SAG: variants seen among roughly 807,000 people sequenced by gnomAD.
SAG encodes the protein S-arrestin.
In SAG, 45 loss-of-function variants were observed where a neutral mutation model predicts 55.0. That is an observed-to-expected ratio of 0.82 (90% CI 0.64 to 1.05). SAG has a LOEUF of 1.05. Ranked by LOEUF, SAG falls within the 50% of genes least tolerant of loss-of-function variation. The pLI, the probability that SAG is intolerant of heterozygous loss-of-function variation, is 0.00. For missense variants in SAG, 455 were observed against 512.1 expected (o/e 0.89, Z 1.08); for synonymous variants, 189 against 197.4 (o/e 0.96, Z 0.36).
chr2:233,339,537 GTTT>G (rs10711990), intron 12 of SAG, among the ~76,000 whole-genome samples: 10 of 129,294 alleles, frequency 7.7e-5, no homozygotes, highest in South Asian at 4.8e-4. Context: ...TTAGCATAGT[GTTT>G]TTTTTTTTTT....
At position 233,322,936 on chromosome 2, in the gene SAG, C is replaced by A. The variant is rs1003431782; in HGVS notation, c.376-10C>A. The A allele has an allele frequency of 6.6e-7, 1 of 1,525,780 alleles. No individual in the cohort carries two copies. The highest frequency in any genetic ancestry group is 8.9e-7 in the Non-Finnish European group (1 of 1,119,630). The allele number at this position is 1,525,780 out of a possible 1,614,324, so 94.5% of individuals were successfully genotyped here. On this transcript the variant is annotated splice_polypyrimidine_tract_variant and intron_variant, in intron 5 of 15. Transcript: ENST00000409110. Reference sequence around the variant, plus strand: ...GAAATAAATGATTTTTTATTTGTTTCTTTCCACAGTTTCCTGACTACTTGC... The same window carrying A: ...GAAATAAATGATTTTTTATTTGTTTATTTCCACAGTTTCCTGACTACTTGC...
chr2:233,336,728 C>T (rs1700942773), intron 11 of SAG, among the ~76,000 whole-genome samples: 1 of 152,150 alleles, frequency 6.6e-6, no homozygotes, highest in Admixed American at 6.5e-5. Flanking sequence ...GGGGTTCTGA[C>T]TTGCAGGGTG....
intron 6 of SAG, 38 bp from the exon 7 acceptor site, chr2:233,327,083 T>C (rs1559443136): frequency 6.4e-7 from 1 of 1,550,540 alleles, no homozygotes; most frequent in Non-Finnish European, 8.9e-7. Flanking sequence ...AGGGAGGGAG[T>C]CGCTGATCGC....
In SAG at chr2:233,322,968, C is replaced by G. The variant is rs1324934886; in HGVS notation, c.398C>G (p.Ser133Ter). Residue 133 changes from serine (S) to a stop codon, truncating the protein, a stop_gained, in exon 6 of 16, where the codon TCA becomes TGA. Transcript: ENST00000409110. LOFTEE classifies it high-confidence loss of function. ...CAGTTTCCTGACTACTTGCCCTGTT[C>G]AGTGATGTTGCAGCCAGCTCCACAA... ...LLTFPDYLPC[S>*]VMLQPAPQDS... The G allele has an allele frequency of 3.2e-6, 5 of 1,576,248 alleles. No homozygotes were observed. Among genetic ancestry groups the G allele is most frequent in the Admixed American group, 1.8e-5 (1 of 55,480 alleles).
At position 233,309,254 on chromosome 2, in the gene SAG, G is replaced by T. The variant is rs371502229; in HGVS notation, c.65G>T (p.Arg22Leu). Residue 22 changes from arginine to leucine, a missense_variant, in exon 2 of 16, where the codon CGG becomes CTG. Transcript: ENST00000409110. Reference protein sequence around the residue: ...PNHVIFKKISRDKSVTIYLGN... With the variant: ...PNHVIFKKISLDKSVTIYLGN... ...CATGTTATCTTCAAGAAGATCTCCC[G>T]GGACAAATCGGTGAGTGGTGCACAA... The T allele has an allele frequency of 9.3e-6, 15 of 1,613,050 alleles. No individual in the cohort carries two copies. Among genetic ancestry groups the T allele is most frequent in the African/African-American group, 1.3e-5 (1 of 74,888 alleles).
At chr2:233,316,251 A>T in intron 3 of SAG, 116 bp downstream of exon 3, 1 of 603,864 alleles carries the variant, frequency 1.7e-6, no homozygotes, top group Non-Finnish European at 3.0e-6. Flanking sequence ...CATGCAAATT[A>T]AAACATCAGT....
chr2:233,335,250 A>G (rs1221992797), intron 11 of SAG, among the ~76,000 whole-genome samples, 151 bp downstream of exon 11: 1 of 152,200 alleles, frequency 6.6e-6, no homozygotes, highest in Non-Finnish European at 1.5e-5. Context: ...ACGGGCCCAC[A>G]CAAGGATCCC....
intron 4 of SAG, chr2:233,320,012 C>T (rs3792102): frequency 0.02 from 19,330 of 981,780 alleles, 207 homozygotes; most frequent in Non-Finnish European, 0.022. Context: ...GTCTACTGGG[C>T]GCACACTTCA....
chr2:233,339,581 T>C (rs1049392768), intron 12 of SAG, among the ~76,000 whole-genome samples: 1 of 148,498 alleles, frequency 6.7e-6, no homozygotes, highest in Non-Finnish European at 1.5e-5. Context: ...CATAAAAGGA[T>C]CTAAAAACAG....
Position 233,346,837 on chromosome 2 carries a change from GT to G in SAG, c.1146del (p.Phe382LeufsTer6). The G allele has an allele frequency of 1.2e-6, 2 of 1,612,436 alleles. No individual in the cohort carries two copies. Among genetic ancestry groups the G allele is most frequent in the Non-Finnish European group, 8.5e-7 (1 of 1,178,986 alleles). On this transcript the variant is annotated frameshift_variant, in exon 16 of 16. Transcript: ENST00000409110. LOFTEE classifies it high-confidence loss of function. Reference sequence around the variant, plus strand: ...AGGATGCAAATTTAGTTTTTGAGGAGTTTGCTCGCCATAATCTGAAAGATGC... The same window carrying G: ...AGGATGCAAATTTAGTTTTTGAGGAGTTGCTCGCCATAATCTGAAAGATGC... ...YQDANLVFEE[F>X]ARHNLKDAGE...
At chr2:233,333,454 G>A (rs1458521335) in intron 10 of SAG, 1 of 152,278 alleles carries the variant, frequency 6.6e-6, no homozygotes, top group Admixed American at 6.5e-5. Flanking sequence ...CCCAAAGGCT[G>A]GAGGAGCCTG....
chr2:233,342,123 CAA>C (rs34221850), intron 13 of SAG, 146 bp from the exon 14 acceptor site: 6,350 of 457,260 alleles, frequency 0.014, no homozygotes, highest in East Asian at 0.024. Context: ...GACTCCATCT[CAA>C]AAAAAAAAAA....
Position 233,320,612 on chromosome 2 carries a change from C to T in SAG, c.182-18C>T. ...AGGCCGAGGGCCAAGTCCGACCCTG[C>T]CTTCATCTCCCTTGCAGTGTATGTC... is the stretch of plus-strand genomic sequence containing the variant. On this transcript the variant is annotated intron_variant, in intron 4 of 15. Transcript: ENST00000409110. 6.4e-7 allele frequency: 1 copy of T among 1,557,940 alleles called. No individual in the cohort carries two copies. The highest frequency in any genetic ancestry group is 8.7e-7 in the Non-Finnish European group (1 of 1,155,526).
chr2:233,325,135 C>T (rs938407984), intron 6 of SAG, among the ~76,000 whole-genome samples: 4 of 148,752 alleles, frequency 2.7e-5, no homozygotes, highest in South Asian at 2.1e-4. Context: ...ACCTGGGAGG[C>T]GGAGATTGCA....
chr2:233,327,383 G>A, intron 7 of SAG, 186 bp downstream of exon 7: 1 of 520,980 alleles, frequency 1.9e-6, no homozygotes, highest in Non-Finnish European at 3.5e-6. Context: ...ACAAGAAAAT[G>A]ACAGGGAAGT....
chr2:233,324,515 A>T (rs1188364528), intron 6 of SAG, among the ~76,000 whole-genome samples: 1 of 152,160 alleles, frequency 6.6e-6, no homozygotes, highest in Non-Finnish European at 1.5e-5. Context: ...CCTGAATGAG[A>T]TGGGAGCCAT....
chr2:233,322,674 G>A (rs775176569), intron 5 of SAG, among the ~76,000 whole-genome samples: 7 of 151,956 alleles, frequency 4.6e-5, no homozygotes, highest in Non-Finnish European at 7.4e-5. Flanking sequence ...GGTGGTGTGT[G>A]CCTGTAATCC....
rs1033152185 is a variant in SAG, at chr2:233,331,734, CG to C, written c.806+23del. 3.2e-6 allele frequency: 5 copies of C among 1,579,888 alleles called. No individual in the cohort carries two copies. In the African/African-American group the frequency reaches 6.7e-5, roughly 21 times the overall value. ...CGCAGTGAGTAGCTGTTGGGGTTTC[CG>C]TTTCCTGGGCGTCTCAGCCTTCTGT... On this transcript the variant is annotated intron_variant, in intron 10 of 15. Coordinates refer to ENST00000409110, the MANE Select transcript of SAG (RefSeq NM_000541.5).
At chr2:233,335,394 A>T (rs933062421) in intron 11 of SAG, among the ~76,000 whole-genome samples, 1 of 152,168 alleles carries the variant, frequency 6.6e-6, no homozygotes, top group Non-Finnish European at 1.5e-5. Flanking sequence ...CTGTTTGTAA[A>T]GTGGGGGCGG....
Sources: allele counts gnomAD v4.1 joint callset (sites outside exome capture counted in the v4.1 genomes callset), GRCh38; gene constraint gnomAD v4.1.1; transcripts MANE v1.5; gene names NCBI Gene and HGNC (gene_info 2026-07-23, HGNC 2026-07-21).